The following CCNB3 variants were observed in gnomAD, a reference collection of about 807,000 sequenced individuals.
CCNB3 encodes the protein G2/mitotic-specific cyclin-B3.
In CCNB3, 12 loss-of-function variants were observed where a neutral mutation model predicts 68.0. That is an observed-to-expected ratio of 0.18 (90% CI 0.11 to 0.29). The LOEUF (loss-of-function observed/expected upper bound fraction) is 0.29. CCNB3 is among the 10% of genes least tolerant of loss of function. The pLI is 1.00. For synonymous variants in CCNB3, 354 were observed against 388.9 expected, an observed-to-expected ratio of 0.91 and a Z score of 1.06; for missense variants, 904 against 993.1, an observed-to-expected ratio of 0.91 and a Z score of 1.21.
chrX:50,226,693 T>TAGAATATACATATGAATATGTACAC (rs1935830870), intron 1 of CCNB3, among the ~76,000 whole-genome samples: 56 of 76,534 alleles, frequency 7.3e-4, no homozygotes, highest in African/African-American at 2.6e-3. Context: ...TAAATATATA[T>TAGAATATACATATGAATATGTACAC]AGAATATACA....
intron 8 of CCNB3, among the ~76,000 whole-genome samples, chrX:50,328,659 C>G (rs1422031082): frequency 4.5e-5 from 5 of 111,950 alleles, no homozygotes; most frequent in Non-Finnish European, 1.9e-5. Flanking sequence ...ACATTCTTCT[C>G]ACATTGTAAA....
chrX:50,279,415 AATATATAAAT>A lies in CCNB3; in HGVS notation c.-112-5109_-112-5100del, dbSNP rs1328659874. On this transcript the variant is annotated intron_variant, in intron 1 of 12. Transcript: ENST00000376042. Reference sequence around the variant, plus strand: ...TTGTATATTCATATAGAAATATATAAATATATAAATATATATAAATATATATATAAATATA... The same window carrying A: ...TTGTATATTCATATAGAAATATATAAATATATAAATATATATATAAATATA... 1.7e-4 allele frequency among the ~76,000 whole-genome samples: 13 copies of A among 76,758 alleles called. 1 individual carries two copies. In the South Asian group the frequency reaches 3.5e-3, roughly 20 times the overall value. The allele number at this position is 76,758 out of a possible 115,157, so 66.7% of individuals were successfully genotyped here. A position where few individuals can be genotyped will look rare whatever the true frequency, so the allele number is the denominator to read the frequency against.
intron 1 of CCNB3, among the ~76,000 whole-genome samples, chrX:50,228,312 A>G (rs1935962738): frequency 1.1e-5 from 1 of 93,947 alleles, no homozygotes; most frequent in South Asian, 4.7e-4. Context: ...TAGAGAATAT[A>G]TATGAATACA....
Position 50,310,099 on chromosome X carries a change from G to A in CCNB3, c.1930G>A (p.Glu644Lys). The part of the protein sequence containing the change: ...FLSQEPSALK[E>K]KHTTLQEVSL... Reference sequence around the variant, plus strand: ...CTCCCAGGAACCATCTGCATTGAAAGAGAAGCATACCACCTTGCAGGAAGT... The same window carrying A: ...CTCCCAGGAACCATCTGCATTGAAAAAGAAGCATACCACCTTGCAGGAAGT... The change falls in exon 6 of 13, where the codon GAG (glutamate) becomes AAG (lysine). Residue 644 changes from glutamate to lysine, a missense_variant. By Grantham distance (56) the Glu-to-Lys change is moderately conservative. Transcript: ENST00000376042. 2 of 1,211,453 alleles carry A rather than the reference G, an allele frequency of 1.7e-6. No homozygotes were observed. The highest frequency in any genetic ancestry group is 2.2e-6 in the Non-Finnish European group (2 of 895,241).
intron 8 of CCNB3, among the ~76,000 whole-genome samples, chrX:50,329,830 A>G (rs1234028842): frequency 2.7e-5 from 3 of 111,983 alleles, no homozygotes; most frequent in Non-Finnish European, 5.6e-5. Context: ...CTCTTTAAAT[A>G]TAAACTCCCA....
rs782208636 is a variant in CCNB3 at position 50,311,108 on chromosome X, C to T, written c.2939C>T (p.Thr980Ile). 1.4e-5 allele frequency: 17 copies of T among 1,207,517 alleles called. No individual in the cohort carries two copies. Among genetic ancestry groups the T allele is most frequent in the South Asian group, 3.5e-5 (2 of 56,592 alleles). ...QVGTSPNVSS[T>I]APESITSKSS... ...GGAACCAGCCCAAATGTGTCTAGCA[C>T]TGCCCCTGAATCCATAACCAGCAAG... Residue 980 changes from threonine (T) to isoleucine (I), a missense_variant, in exon 6 of 13, where the codon ACT becomes ATT. By Grantham distance (89) the Thr-to-Ile change is moderately conservative. Transcript: ENST00000376042.
chrX:50,333,676 C>G (rs782099955), intron 8 of CCNB3, among the ~76,000 whole-genome samples: 1 of 111,391 alleles, frequency 9.0e-6, no homozygotes, highest in South Asian at 3.8e-4. Flanking sequence ...TACTTACCCC[C>G]CTTCTGCATG....
At chrX:50,207,182 TGTC>T (rs1238728224) in intron 1 of CCNB3, among the ~76,000 whole-genome samples, 2 of 111,907 alleles carry the variant, frequency 1.8e-5, no homozygotes, top group Non-Finnish European at 3.8e-5. Context: ...AGGCAGTAAC[TGTC>T]TCTGTGTACA....
chrX:50,327,542 A>C (rs1922352994), intron 8 of CCNB3, among the ~76,000 whole-genome samples: 2 of 112,557 alleles, frequency 1.8e-5, no homozygotes, highest in Admixed American at 9.4e-5. Context: ...ATAAGTGGCC[A>C]AGTGCCTATG....
chrX:50,342,410 C>T, intron 9 of CCNB3, 71 bp downstream of exon 9: 1 of 943,872 alleles, frequency 1.1e-6, no homozygotes, highest in Non-Finnish European at 1.5e-6. Context: ...AATATATATT[C>T]ATATATATTC....
chrX:50,279,903 A>G (rs1412576567), intron 1 of CCNB3, among the ~76,000 whole-genome samples: 5 of 87,361 alleles, frequency 5.7e-5, no homozygotes, highest in Non-Finnish European at 1.0e-4. Context: ...TATATAGTGT[A>G]TATATATAAA....
intron 9 of CCNB3, among the ~76,000 whole-genome samples, chrX:50,342,852 A>G (rs1396955478): frequency 9.0e-6 from 1 of 110,524 alleles, no homozygotes; most frequent in African/African-American, 3.3e-5. Context: ...GACTATAGGC[A>G]TGCACCACAG....
At chrX:50,349,833 G>GT (rs2147107915) in intron 11 of CCNB3, among the ~76,000 whole-genome samples, 1 of 111,796 alleles carries the variant, frequency 8.9e-6, no homozygotes, top group South Asian at 3.8e-4. Context: ...GGGCTTCCAG[G>GT]TAAGACACTT....
chrX:50,310,288 T>C lies in CCNB3; in HGVS notation c.2119T>C (p.Leu707=). ...QEKTDAEEDS[L]KNLLALQEKS... Reference sequence around the variant, plus strand: ...GAAGACTGATGCCGAAGAGGATTCCTTGAAGAACTTGTTGGCTTTGCAGGA... The same window carrying C: ...GAAGACTGATGCCGAAGAGGATTCCCTGAAGAACTTGTTGGCTTTGCAGGA... Residue 707 remains leucine, a synonymous_variant, in exon 6 of 13, where the codon TTG becomes CTG. Transcript: ENST00000376042. 4.1e-6 allele frequency: 5 copies of C among 1,211,614 alleles called. No homozygotes were observed. Among genetic ancestry groups the C allele is most frequent in the Non-Finnish European group, 5.6e-6 (5 of 895,223 alleles).
At chrX:50,226,721 A>G (rs1384886966) in intron 1 of CCNB3, among the ~76,000 whole-genome samples, 1 of 80,710 alleles carries the variant, frequency 1.2e-5, no homozygotes, top group African/African-American at 4.9e-5. Flanking sequence ...ATGTACACAG[A>G]ATATACATAT....
chrX:50,215,177 G>GA (rs1445465494), intron 1 of CCNB3, among the ~76,000 whole-genome samples: 1 of 109,276 alleles, frequency 9.2e-6, no homozygotes, highest in Non-Finnish European at 1.9e-5. Context: ...TTTTAGTAGA[G>GA]ACAGCGTTAC....
intron 6 of CCNB3, among the ~76,000 whole-genome samples, chrX:50,312,332 A>G (rs1921508186): frequency 9.0e-6 from 1 of 111,307 alleles, no homozygotes; most frequent in South Asian, 3.8e-4. Context: ...AGGTATATAC[A>G]ATGAAGTCTA....
At chrX:50,305,773 T>A (rs1191872268) in intron 5 of CCNB3, among the ~76,000 whole-genome samples, 1 of 79,009 alleles carries the variant, frequency 1.3e-5, no homozygotes, top group Admixed American at 2.0e-4. Flanking sequence ...TTTTTCTTTC[T>A]TTCTTTTTTT....
At chrX:50,226,956 GTA>G (rs1257570520) in intron 1 of CCNB3, among the ~76,000 whole-genome samples, 13 of 67,887 alleles carry the variant, frequency 1.9e-4, no homozygotes, top group Admixed American at 1.2e-3. Context: ...AATATATATA[GTA>G]TATATATAGA....
Sources: gnomAD v4.1 joint callset for allele counts (sites outside exome capture counted in the v4.1 genomes callset) on GRCh38, gnomAD v4.1.1 for gene constraint, MANE v1.5 for transcripts, NCBI Gene and HGNC (gene_info 2026-07-23, HGNC 2026-07-21) for gene names.